The following DEPDC5 variants were observed in gnomAD, a reference collection of about 807,000 sequenced individuals.
DEPDC5 encodes GATOR1 complex protein DEPDC5.
A neutral mutation model predicts 217.3 loss-of-function variants in DEPDC5; 73 were observed. That is an observed-to-expected ratio of 0.34 (90% CI 0.28 to 0.41). The LOEUF is 0.41. Ranked by LOEUF, DEPDC5 falls within the 10% of genes least tolerant of loss-of-function variation. DEPDC5 has a pLI of 1.00. For synonymous variants in DEPDC5, 733 were observed against 756.7 expected (o/e 0.97, Z 0.51); for missense variants, 1,675 against 2,070.1 (o/e 0.81, Z 3.70).
At chr22:31,821,928 G>A (rs1213564901) in intron 23 of DEPDC5, among the ~76,000 whole-genome samples, 1 of 152,170 alleles carries the variant, frequency 6.6e-6, no homozygotes, top group Non-Finnish European at 1.5e-5. Context: ...CTCAGTCAAA[G>A]GTGAATCCAA....
chr22:31,806,591 CCTGA>C (rs1221541390), intron 18 of DEPDC5, among the ~76,000 whole-genome samples: 1 of 152,184 alleles, frequency 6.6e-6, no homozygotes, highest in East Asian at 1.9e-4. Context: ...TTTATTGTGA[CCTGA>C]CTGTTTTATT....
At chr22:31,828,771 G>C (rs1196955887) in intron 24 of DEPDC5, among the ~76,000 whole-genome samples, 1 of 152,150 alleles carries the variant, frequency 6.6e-6, no homozygotes, top group Non-Finnish European at 1.5e-5. Flanking sequence ...TAGGCACTGT[G>C]CTAAGGCCTG....
chr22:31,779,688 C>T (rs563688119), intron 8 of DEPDC5, among the ~76,000 whole-genome samples: 7 of 152,270 alleles, frequency 4.6e-5, no homozygotes, highest in Non-Finnish European at 7.4e-5. Context: ...TCCAAATCAC[C>T]GGCTCTAATG....
At chr22:31,817,436 G>T in intron 21 of DEPDC5, 1 of 475,988 alleles carries the variant, frequency 2.1e-6, no homozygotes, top group South Asian at 1.5e-5. Flanking sequence ...TATACTTGGT[G>T]GCTTTTTATA....
chr22:31,891,125 G>A (rs2093430063), intron 38 of DEPDC5: 1 of 448,540 alleles, frequency 2.2e-6, no homozygotes, highest in South Asian at 2.1e-5. Context: ...AAGACTGACA[G>A]GCTGAGCAAG....
At chr22:31,778,534 T>C (rs1200775967) in intron 8 of DEPDC5, among the ~76,000 whole-genome samples, 3 of 152,182 alleles carry the variant, frequency 2.0e-5, no homozygotes, top group African/African-American at 7.2e-5. Context: ...GCTAAGCTCT[T>C]GACAGCTACT....
At chr22:31,900,349 A>G (rs1569239318) in intron 40 of DEPDC5, among the ~76,000 whole-genome samples, 1 of 151,856 alleles carries the variant, frequency 6.6e-6, no homozygotes, top group South Asian at 2.1e-4. Context: ...ACCTGGCCCA[A>G]ATTTTTATTT....
At chr22:31,831,104 C>G (rs1040071536) in intron 24 of DEPDC5, 1 of 148,936 alleles carries the variant, frequency 6.7e-6, no homozygotes, top group Non-Finnish European at 1.5e-5. Flanking sequence ...TGACAAAGAA[C>G]AGATAACATT....
chr22:31,765,973 G>A (rs549194214), intron 5 of DEPDC5, among the ~76,000 whole-genome samples: 24 of 152,192 alleles, frequency 1.6e-4, no homozygotes, highest in Middle Eastern at 3.4e-3. Context: ...CAGTGAGTGA[G>A]CTGAGATCGT....
chr22:31,841,060 C>T (rs1197779172), intron 27 of DEPDC5, among the ~76,000 whole-genome samples: 8 of 152,380 alleles, frequency 5.3e-5, no homozygotes, highest in Non-Finnish European at 1.5e-5. Context: ...GTCTTCCCAA[C>T]AGCCAGCAGA....
At chr22:31,776,668 C>G (rs911003834) in intron 7 of DEPDC5, among the ~76,000 whole-genome samples, 1 of 149,572 alleles carries the variant, frequency 6.7e-6, no homozygotes, top group Non-Finnish European at 1.5e-5. Flanking sequence ...TCTCTGCCTC[C>G]GGGGTTCAAG....
chr22:31,800,607 G>A (rs1322294298), intron 14 of DEPDC5, among the ~76,000 whole-genome samples: 1 of 151,716 alleles, frequency 6.6e-6, no homozygotes, highest in East Asian at 1.9e-4. Flanking sequence ...CTGCTTCTAG[G>A]TAATATTTTA....
rs547717127 is a variant in DEPDC5 at position 31,781,824 on chromosome 22, C to G, written c.484-2083C>G. On this transcript the variant is annotated intron_variant, in intron 8 of 42. Transcript: ENST00000651528. Reference sequence around the variant, plus strand: ...CGAGGTGGGGGGGATTGCTTGAGCCCAGGAGATTGAGACCAGCCAGGGCAA... The same window carrying G: ...CGAGGTGGGGGGGATTGCTTGAGCCGAGGAGATTGAGACCAGCCAGGGCAA... Among the ~76,000 whole-genome samples the G allele has an allele frequency of 3.9e-5, 6 of 152,184 alleles. No homozygotes were observed. In the East Asian group the frequency reaches 9.7e-4, roughly 25 times the overall value.
intron 41 of DEPDC5, among the ~76,000 whole-genome samples, chr22:31,903,704 C>G (rs973303767): frequency 7.6e-5 from 10 of 132,110 alleles, no homozygotes; most frequent in African/African-American, 2.9e-4. Flanking sequence ...TAAGCCCCCC[C>G]ACCTTCCACA....
chr22:31,813,679 C>CTA (rs58384211), intron 20 of DEPDC5, among the ~76,000 whole-genome samples: 9,274 of 144,346 alleles, frequency 0.064, 398 homozygotes, highest in African/African-American at 0.13. Flanking sequence ...TTTAATAAGG[C>CTA]TATATATATA....
Position 31,906,416 on chromosome 22 carries a change from G to A in DEPDC5, c.4731G>A (p.Thr1577=), listed in dbSNP as rs746564947. Residue 1577 remains threonine (T), a synonymous_variant, in exon 43 of 43, where the codon ACG becomes ACA. Coordinates refer to ENST00000651528, the MANE Select transcript of DEPDC5 (RefSeq NM_001242896.3). This position sits in a 1 kb window ranked among gnomAD's most constrained non-coding sequence, Gnocchi z 5.1. ...CTGATCGGCTGCTGAAGGACTTCAC[G>A]GACTTCTGCATCAACCGTGACAACC... The part of the protein sequence containing the change: ...KFADRLLKDF[T]DFCINRDNRL... 5.0e-6 allele frequency: 8 copies of A among 1,613,934 alleles called. No individual in the cohort carries two copies. Among genetic ancestry groups the A allele is most frequent in the South Asian group, 3.3e-5 (3 of 91,086 alleles).
chr22:31,760,841 AGGCAGTACATGGGAAT>A, intron 4 of DEPDC5, 139 bp downstream of exon 4: 1 of 713,436 alleles, frequency 1.4e-6, no homozygotes, highest in Non-Finnish European at 2.3e-6. Flanking sequence ...CTTTCAATTC[AGGCAGTACATGGGAAT>A]GTTTGTTACA....
chr22:31,907,764 T>A lies in DEPDC5; in HGVS notation c.*1267T>A, dbSNP rs1480000902. 5 of 152,182 alleles carry A rather than the reference T, an allele frequency of 3.3e-5. No individual in the cohort carries two copies. Among genetic ancestry groups the A allele is most frequent in the African/African-American group, 1.2e-4 (5 of 41,426 alleles). The allele number at this position is 152,182 out of a possible 1,614,324, so 9.4% of individuals were successfully genotyped here. The stretch of plus-strand genomic sequence containing the variant: ...CCTGCCTTAAGCTACTCAGGGCAGT[T>A]CAGGAGCTGTGGGTCAGAGGGGAGA... On this transcript the variant is annotated 3_prime_UTR_variant, in exon 43 of 43. Coordinates refer to ENST00000651528, the MANE Select transcript of DEPDC5 (RefSeq NM_001242896.3).
chr22:31,764,077 G>A (rs893485070), intron 4 of DEPDC5, among the ~76,000 whole-genome samples: 5 of 151,796 alleles, frequency 3.3e-5, no homozygotes, highest in African/African-American at 7.3e-5. Flanking sequence ...CTACAGGTGC[G>A]CACCACGACA....
Sources: gnomAD v4.1 joint callset for allele counts (sites outside exome capture counted in the v4.1 genomes callset) on GRCh38, gnomAD v4.1.1 for gene constraint, Gnocchi (gnomAD v3.1) non-coding constraint, MANE v1.5 for transcripts, NCBI Gene and HGNC (gene_info 2026-07-23, HGNC 2026-07-21) for gene names.